The following DYTN variants were observed in gnomAD, a reference collection of about 807,000 sequenced individuals.
DYTN encodes the protein dystrotelin.
DYTN carries 75 observed loss-of-function variants against 69.6 expected under a neutral mutation model. The observed-to-expected ratio is 1.08, with a 90% CI of 0.89 to 1.31. DYTN has a LOEUF of 1.31. DYTN is among the 50% of genes most tolerant of loss of function. DYTN has a pLI of 0.00. For missense variants in DYTN, 726 were observed against 688.4 expected, an observed-to-expected ratio of 1.05 and a Z score of -0.61; for synonymous variants, 252 against 249.1, an observed-to-expected ratio of 1.01 and a Z score of -0.11.
At chr2:206,699,927 C>A in intron 6 of DYTN, 37 bp from the exon 7 acceptor site, 1 of 1,592,824 alleles carries the variant, frequency 6.3e-7, no homozygotes, top group Non-Finnish European at 8.6e-7. Context: ...TGTTTTTAGG[C>A]ACGACTTGAT....
intron 2 of DYTN, among the ~76,000 whole-genome samples, chr2:206,708,609 A>G (rs1013937408): frequency 1.3e-5 from 2 of 152,206 alleles, no homozygotes; most frequent in South Asian, 2.1e-4. Flanking sequence ...CATTCTGAAC[A>G]CAGGCCGATT....
At chr2:206,685,464 CA>C (rs1202287940) in intron 9 of DYTN, among the ~76,000 whole-genome samples, 1 of 152,142 alleles carries the variant, frequency 6.6e-6, no homozygotes, top group Non-Finnish European at 1.5e-5. Context: ...TACCTGGTCA[CA>C]TAGCTTATTT....
chr2:206,696,194 C>A (rs898854168), intron 7 of DYTN, among the ~76,000 whole-genome samples: 1 of 152,074 alleles, frequency 6.6e-6, no homozygotes, highest in Non-Finnish European at 1.5e-5. Context: ...CAAAGAAAAT[C>A]CCAAGTAGAA....
intron 9 of DYTN, among the ~76,000 whole-genome samples, chr2:206,680,401 C>T (rs546020443): frequency 2.0e-5 from 3 of 152,188 alleles, no homozygotes; most frequent in Admixed American, 6.5e-5. Flanking sequence ...GGGGAGACAA[C>T]CATATCATAT....
chr2:206,687,314 C>G (rs1699822409), intron 9 of DYTN: 1 of 154,300 alleles, frequency 6.5e-6, no homozygotes, highest in South Asian at 2.0e-4. Flanking sequence ...GAGCATTTCT[C>G]CAGCATGAGA....
At chr2:206,714,275 C>T (rs764298127) in intron 1 of DYTN, among the ~76,000 whole-genome samples, 28 of 152,168 alleles carry the variant, frequency 1.8e-4, no homozygotes, top group Non-Finnish European at 2.6e-4. Context: ...GGCGCAATCT[C>T]GGCTCACTGC....
intron 9 of DYTN, among the ~76,000 whole-genome samples, chr2:206,684,921 C>G (rs1255452674): frequency 1.3e-5 from 2 of 152,144 alleles, no homozygotes; most frequent in Admixed American, 6.5e-5. Flanking sequence ...TAAGTTTTAT[C>G]AGTTTAATTG....
intron 9 of DYTN, among the ~76,000 whole-genome samples, chr2:206,675,631 G>A (rs1373517933): frequency 6.6e-6 from 1 of 152,004 alleles, no homozygotes; most frequent in Non-Finnish European, 1.5e-5. Context: ...AAAGATAAAA[G>A]ATGTTTCCAC....
intron 9 of DYTN, among the ~76,000 whole-genome samples, chr2:206,682,381 C>A (rs1292079958): frequency 2.6e-5 from 4 of 152,080 alleles, no homozygotes; most frequent in Non-Finnish European, 4.4e-5. Flanking sequence ...GTTATTTGAC[C>A]TAGCAGCAGC....
intron 11 of DYTN, among the ~76,000 whole-genome samples, chr2:206,660,583 G>T (rs1312445918): frequency 6.6e-6 from 1 of 152,128 alleles, no homozygotes; most frequent in Non-Finnish European, 1.5e-5. Flanking sequence ...TTCCTAAAAA[G>T]GTCAAGTGGA....
Position 206,663,079 on chromosome 2 carries a change from C to T in DYTN, c.1457G>A (p.Gly486Glu), listed in dbSNP as rs1241763469. The T allele has an allele frequency of 1.9e-6, 3 of 1,613,776 alleles. No individual in the cohort carries two copies. The African/African-American group carries it at 4.0e-5, about 22-fold the overall frequency. The stretch of plus-strand genomic sequence containing the variant: ...CATTTTGGGGATGTCCTGCTTCAGT[C>T]CCTCCTGATAACTGGGTAGGGCACT... ...VISALPSYQE[G>E]LKQDIPKMVP... The change falls in exon 11 of 12, where the codon GGA becomes GAA. Residue 486 changes from glycine to glutamate, a missense_variant. Transcript: ENST00000452335.
Position 206,651,903 on chromosome 2 carries a change from T to C in DYTN, c.1652A>G (p.Asn551Ser), listed in dbSNP as rs779877571. The C allele has an allele frequency of 6.2e-7, 1 of 1,613,104 alleles. No individual in the cohort carries two copies. Among genetic ancestry groups the C allele is most frequent in the South Asian group, 1.1e-5 (1 of 91,016 alleles). ...CTGAGCTCCACTGTACAGGTCCATG[T>C]TTACTGAAGACTCCGGGCCTGAAAT... ...ETPSGPESSV[N>S]MDLYSGAQRV... Residue 551 changes from asparagine (N) to serine (S), a missense_variant, in exon 12 of 12, where the codon AAC becomes AGC. Coordinates refer to ENST00000452335, the MANE Select transcript of DYTN (RefSeq NM_001093730.1).
chr2:206,670,757 T>A (rs1699621584), intron 9 of DYTN, among the ~76,000 whole-genome samples: 1 of 152,186 alleles, frequency 6.6e-6, no homozygotes, highest in African/African-American at 2.4e-5. Context: ...ATATCCAATT[T>A]CACAAAAGAA....
At chr2:206,707,142 T>C (rs1490619808) in intron 3 of DYTN, among the ~76,000 whole-genome samples, 160 bp downstream of exon 3, 3 of 152,196 alleles carry the variant, frequency 2.0e-5, no homozygotes, top group Non-Finnish European at 4.4e-5. Context: ...GGGCATTTAC[T>C]CCTTTGTTCT....
At chr2:206,665,831 C>T (rs1699564021) in intron 10 of DYTN, 39 bp downstream of exon 10, 1 of 1,602,662 alleles carries the variant, frequency 6.2e-7, no homozygotes, top group Admixed American at 1.7e-5. Context: ...GTTAGACTTC[C>T]AGGCAGTCCA....
Position 206,707,429 on chromosome 2 carries a change from G to A in DYTN, c.169C>T (p.Leu57Phe), listed in dbSNP as rs1368499119. Residue 57 changes from leucine (L) to phenylalanine (F), a missense_variant, in exon 3 of 12, where the codon CTT becomes TTT. Transcript: ENST00000452335. ...GCCTGAGAAAGTTGCTGCACAGAAA[G>A]GGAGTGCTTGCGAGCTTCCCAGAAA... ...PSFWEARKHS[L>F]SVQQLSQALQ... The A allele has an allele frequency of 2.0e-5, 33 of 1,613,196 alleles. No homozygotes were observed. The highest frequency in any genetic ancestry group is 2.8e-5 in the Non-Finnish European group (33 of 1,179,640).
intron 5 of DYTN, among the ~76,000 whole-genome samples, chr2:206,701,615 G>A (rs577883525): frequency 6.6e-6 from 1 of 152,168 alleles, no homozygotes; most frequent in Non-Finnish European, 1.5e-5. Flanking sequence ...AAGAATAGTG[G>A]ATGCCAGGGG....
chr2:206,708,526 T>C (rs1700048794), intron 2 of DYTN, among the ~76,000 whole-genome samples: 1 of 152,216 alleles, frequency 6.6e-6, no homozygotes, highest in Non-Finnish European at 1.5e-5. Context: ...GAATGTGACT[T>C]AAATAAAAAC....
chr2:206,656,953 G>T (rs1365468929), intron 11 of DYTN, among the ~76,000 whole-genome samples: 1 of 151,878 alleles, frequency 6.6e-6, no homozygotes. Flanking sequence ...GTAGAGATGG[G>T]GTTTCTACAT....
Sources: allele counts gnomAD v4.1 joint callset (sites outside exome capture counted in the v4.1 genomes callset), GRCh38; gene constraint gnomAD v4.1.1; transcripts MANE v1.5; gene names NCBI Gene and HGNC (gene_info 2026-07-23, HGNC 2026-07-21).